SGCZ: variants seen among roughly 807,000 people sequenced by gnomAD.
SGCZ encodes zeta-sarcoglycan.
SGCZ carries 40 observed loss-of-function variants against 41.3 expected under a neutral mutation model. The ratio of observed to expected loss-of-function variants is 0.97; its 90% CI spans 0.75 to 1.26. The LOEUF is 1.26. SGCZ is among the 50% of genes most tolerant of loss of function. The probability of loss-of-function intolerance (pLI) is 0.00; values close to 1 mark genes in which losing one functional copy is unlikely to be tolerated. For missense variants in SGCZ, 552 were observed against 369.8 expected, an observed-to-expected ratio of 1.49 and a Z score of -4.04; for synonymous variants, 206 against 137.5, an observed-to-expected ratio of 1.50 and a Z score of -3.49.
intron 1 of SGCZ, among the ~76,000 whole-genome samples, chr8:15,041,496 T>C (rs1255358727): frequency 1.3e-5 from 2 of 152,096 alleles, no homozygotes; most frequent in Admixed American, 6.5e-5. Context: ...TTTCTTTATA[T>C]GGTTTTAGTT....
At chr8:15,005,113 C>G (rs543243651) in intron 1 of SGCZ, among the ~76,000 whole-genome samples, 2 of 152,220 alleles carry the variant, frequency 1.3e-5, no homozygotes, top group African/African-American at 4.8e-5. Flanking sequence ...AAGCCTCATG[C>G]CGGCTAGTAA....
intron 1 of SGCZ, among the ~76,000 whole-genome samples, chr8:14,558,157 G>T (rs998142749): frequency 4.6e-5 from 7 of 152,110 alleles, no homozygotes; most frequent in African/African-American, 7.2e-5. Flanking sequence ...CAAGCAGTGA[G>T]ATTGAAACTG....
chr8:14,501,069 G>A (rs1216442215), intron 2 of SGCZ, among the ~76,000 whole-genome samples: 4 of 152,024 alleles, frequency 2.6e-5, no homozygotes, highest in Admixed American at 1.3e-4. Context: ...CAAGCTGTTA[G>A]TAGGGTTGCA....
intron 1 of SGCZ, among the ~76,000 whole-genome samples, chr8:14,696,212 T>G (rs1198576980): frequency 6.6e-6 from 1 of 152,194 alleles, no homozygotes; most frequent in African/African-American, 2.4e-5. Flanking sequence ...TTAATATGCC[T>G]TTAATCTAAA....
At chr8:14,394,500 C>G (rs558209307) in intron 2 of SGCZ, among the ~76,000 whole-genome samples, 25 of 152,112 alleles carry the variant, frequency 1.6e-4, no homozygotes, top group Non-Finnish European at 2.9e-4. Context: ...CTAAGAAACA[C>G]TTTTTAATGA....
Position 15,030,369 on chromosome 8 carries a change from T to C in SGCZ, c.39+207216A>G, listed in dbSNP as rs147843660. Among the ~76,000 whole-genome samples the C allele has an allele frequency of 2.0e-3, 311 of 152,306 alleles. 2 individuals are homozygous for C. Among genetic ancestry groups the C allele is most frequent in the African/African-American group, 7.2e-3 (301 of 41,574 alleles). ...ATAAAATTTAATTTCATTGTTTTAC[T>C]ATCCTTAAAGCAGTAAAAAAAAGGT... On this transcript the variant is annotated intron_variant, in intron 1 of 7. Coordinates refer to ENST00000382080, the MANE Select transcript of SGCZ (RefSeq NM_139167.4).
At position 14,443,991 on chromosome 8, in the gene SGCZ, AG is replaced by A. The variant is rs1319825735; in HGVS notation, c.234+110740del. Among the ~76,000 whole-genome samples, 8 of 152,178 alleles carry A rather than the reference AG, an allele frequency of 5.3e-5. No homozygotes were observed. The South Asian group carries it at 1.4e-3, about 28-fold the overall frequency. ...AAACAAACAAACAACCCCATCAAAA[AG>A]TGGGTGAAGGATATGAACAGACGCT... On this transcript the variant is annotated intron_variant, in intron 2 of 7. Transcript: ENST00000382080.
At chr8:15,018,256 T>G (rs966699601) in intron 1 of SGCZ, among the ~76,000 whole-genome samples, 2 of 152,188 alleles carry the variant, frequency 1.3e-5, no homozygotes, top group Non-Finnish European at 2.9e-5. Flanking sequence ...GACACTGTTC[T>G]AAGCTCAGAG....
At position 14,996,604 on chromosome 8, in the gene SGCZ, G is replaced by T. The variant is rs183931104; in HGVS notation, c.39+240981C>A. Among the ~76,000 whole-genome samples, 381 of 152,212 alleles carry T rather than the reference G, an allele frequency of 2.5e-3. 1 individual carries two copies. Among genetic ancestry groups the T allele is most frequent in the African/African-American group, 8.9e-3 (368 of 41,522 alleles). On this transcript the variant is annotated intron_variant, in intron 1 of 7. Coordinates refer to ENST00000382080, the MANE Select transcript of SGCZ (RefSeq NM_139167.4). The stretch of plus-strand genomic sequence containing the variant: ...CTAATTGTCATTGAGGAAGTCAGAT[G>T]GTGGAATTCAGAACTGACTCTACAG...
At chr8:14,805,629 T>C (rs1801495178) in intron 1 of SGCZ, among the ~76,000 whole-genome samples, 1 of 146,084 alleles carries the variant, frequency 6.8e-6, no homozygotes. Flanking sequence ...ACATTAATAA[T>C]GGGAGACTTT....
At chr8:15,067,240 C>T (rs1387334992) in intron 1 of SGCZ, among the ~76,000 whole-genome samples, 1 of 152,140 alleles carries the variant, frequency 6.6e-6, no homozygotes, top group East Asian at 1.9e-4. Flanking sequence ...TCCACCAACC[C>T]TGCACACTAC....
chr8:14,649,241 G>C (rs941463496), intron 1 of SGCZ, among the ~76,000 whole-genome samples: 6 of 152,076 alleles, frequency 3.9e-5, no homozygotes, highest in African/African-American at 1.4e-4. Flanking sequence ...CCTTTCTATT[G>C]TTTCCTAGAT....
chr8:15,141,085 T>A (rs1808303140), intron 1 of SGCZ, among the ~76,000 whole-genome samples: 2 of 152,272 alleles, frequency 1.3e-5, no homozygotes, highest in South Asian at 4.1e-4. Context: ...TGACTTCTTA[T>A]GTAATTTTCA....
At chr8:15,195,761 C>T (rs898524773) in intron 1 of SGCZ, among the ~76,000 whole-genome samples, 1 of 152,158 alleles carries the variant, frequency 6.6e-6, no homozygotes, top group Admixed American at 6.5e-5. Flanking sequence ...AAAAAACTTA[C>T]CTCCCACATT....
intron 2 of SGCZ, among the ~76,000 whole-genome samples, chr8:14,411,387 T>C (rs28713271): frequency 0.24 from 36,626 of 152,032 alleles, 4,595 homozygotes; most frequent in Non-Finnish European, 0.29. Flanking sequence ...CTTATGGAAA[T>C]TCTTAAGGTC....
At position 14,705,724 on chromosome 8, in the gene SGCZ, G is replaced by C. The variant is rs113709963; in HGVS notation, c.40-150798C>G. Among the ~76,000 whole-genome samples, 562 of 152,092 alleles carry C rather than the reference G, an allele frequency of 3.7e-3. 6 individuals carry two copies. Among genetic ancestry groups the C allele is most frequent in the African/African-American group, 0.013 (531 of 41,530 alleles). On this transcript the variant is annotated intron_variant, in intron 1 of 7. Transcript: ENST00000382080. ...TTACATGAAATTCTAGGAAGCAGAG[G>C]TTCTGAAATAGAACATAGTAAAAAC...
intron 2 of SGCZ, among the ~76,000 whole-genome samples, chr8:14,553,377 C>T (rs1803931754): frequency 6.6e-6 from 1 of 152,070 alleles, no homozygotes; most frequent in Non-Finnish European, 1.5e-5. Flanking sequence ...GCCTTGATCC[C>T]TGACCTGGGA....
intron 1 of SGCZ, among the ~76,000 whole-genome samples, chr8:15,230,915 C>T (rs1031626276): frequency 6.6e-6 from 1 of 152,162 alleles, no homozygotes; most frequent in Non-Finnish European, 1.5e-5. Context: ...ATCCCTTGGC[C>T]AAGAAGGTTT....
At chr8:14,866,955 G>C (rs961870722) in intron 1 of SGCZ, among the ~76,000 whole-genome samples, 26 of 152,152 alleles carry the variant, frequency 1.7e-4, no homozygotes, top group African/African-American at 6.3e-4. Flanking sequence ...TTGTTTGTTT[G>C]TTTTGTTTTA....
Sources: gnomAD v4.1 joint callset for allele counts (sites outside exome capture counted in the v4.1 genomes callset) on GRCh38, gnomAD v4.1.1 for gene constraint, MANE v1.5 for transcripts, NCBI Gene and HGNC (gene_info 2026-07-23, HGNC 2026-07-21) for gene names.